The following SLCO1C1 variants were observed in gnomAD, a reference collection of about 807,000 sequenced individuals.
SLCO1C1 encodes the protein OAT-RP-5.
In SLCO1C1, 70 loss-of-function variants were observed where a neutral mutation model predicts 76.4. That is an observed-to-expected ratio of 0.92 (90% confidence interval 0.76 to 1.12). The LOEUF is 1.12. Ranked by LOEUF, SLCO1C1 falls within the 50% of genes most tolerant of loss-of-function variation. SLCO1C1 has a pLI of 0.00. For missense variants in SLCO1C1, 912 were observed against 823.8 expected (o/e 1.11, Z -1.31); for synonymous variants, 306 against 286.1 (o/e 1.07, Z -0.70).
intron 3 of SLCO1C1, among the ~76,000 whole-genome samples, chr12:20,704,242 G>T (rs1183385467): frequency 1.3e-5 from 2 of 150,404 alleles, no homozygotes; most frequent in East Asian, 3.9e-4. Flanking sequence ...ATGGTATATA[G>T]ATATATATAT....
At chr12:20,719,100 C>CTAT (rs71039975) in intron 7 of SLCO1C1, among the ~76,000 whole-genome samples, 9,252 of 145,604 alleles carry the variant, frequency 0.064, 399 homozygotes, top group African/African-American at 0.13. Flanking sequence ...CAAGCTTTTA[C>CTAT]TATTATTATT....
chr12:20,710,707 A>G (rs1190571046), intron 4 of SLCO1C1, among the ~76,000 whole-genome samples: 1 of 152,158 alleles, frequency 6.6e-6, no homozygotes, highest in African/African-American at 2.4e-5. Context: ...ATGGTACAAA[A>G]TCCATATGTC....
chr12:20,736,338 G>GC (rs1320776139), intron 10 of SLCO1C1, among the ~76,000 whole-genome samples: 2 of 150,848 alleles, frequency 1.3e-5, no homozygotes, highest in African/African-American at 2.4e-5. Flanking sequence ...ACCAATTTTG[G>GC]GGGGGGGTGC....
intron 12 of SLCO1C1, among the ~76,000 whole-genome samples, chr12:20,741,188 A>G (rs1322979373): frequency 6.6e-6 from 1 of 152,048 alleles, no homozygotes; most frequent in African/African-American, 2.4e-5. Context: ...CCATGAGCCA[A>G]TCACCTCCCA....
intron 13 of SLCO1C1, among the ~76,000 whole-genome samples, chr12:20,747,389 A>G (rs1046016023): frequency 6.6e-5 from 10 of 152,192 alleles, no homozygotes; most frequent in African/African-American, 2.4e-4. Flanking sequence ...AGATTGTGCC[A>G]CTGCACTCCA....
chr12:20,732,997 A>G lies in SLCO1C1; in HGVS notation c.1275A>G (p.Ala425=), dbSNP rs16923154. ...KKFRISVCGA[A]KLYLGSSVFG... is the part of the protein sequence containing the mutation. ...TCAGAATCAGTGTGTGTGGAGCTGC[A>G]AAACTCTACTTGGGATCATCTGTCT... The change falls in exon 10 of 15, where the codon GCA becomes GCG. Residue 425 remains alanine, a synonymous_variant. Coordinates refer to ENST00000266509, the MANE Select transcript of SLCO1C1 (RefSeq NM_017435.5). The G allele has an allele frequency of 0.081, 130,329 of 1,613,766 alleles. 5,842 individuals carry two copies. The highest frequency in any genetic ancestry group is 0.17 in the East Asian group (7,608 of 44,826).
intron 5 of SLCO1C1, among the ~76,000 whole-genome samples, chr12:20,712,485 C>A (rs1030128074): frequency 1.3e-5 from 2 of 152,122 alleles, no homozygotes; most frequent in Admixed American, 6.5e-5. Flanking sequence ...GCAGTACAGG[C>A]AGGGAGAGCA....
intron 9 of SLCO1C1, among the ~76,000 whole-genome samples, chr12:20,728,541 A>G (rs917522112): frequency 6.6e-6 from 1 of 151,528 alleles, no homozygotes; most frequent in Middle Eastern, 3.2e-3. Context: ...GAGGTGTTAC[A>G]CAGACAAGTA....
chr12:20,696,064 C>G (rs1304708486), intron 1 of SLCO1C1, among the ~76,000 whole-genome samples: 1 of 151,890 alleles, frequency 6.6e-6, no homozygotes, highest in Non-Finnish European at 1.5e-5. Flanking sequence ...TTGCTTTGGG[C>G]CATCTAATTT....
intron 1 of SLCO1C1, chr12:20,696,756 TGAA>T (rs1178802280): frequency 6.6e-6 from 1 of 152,038 alleles, no homozygotes; most frequent in African/African-American, 2.4e-5. Flanking sequence ...CAGTTGCAAA[TGAA>T]GAGAGAGAGC....
At chr12:20,700,713 C>T (rs1049948177) in intron 2 of SLCO1C1, among the ~76,000 whole-genome samples, 1 of 151,856 alleles carries the variant, frequency 6.6e-6, no homozygotes, top group African/African-American at 2.4e-5. Context: ...AAATGCTAAC[C>T]TTCCCTATGA....
rs1947091198 is a variant in SLCO1C1 at position 20,711,389 on chromosome 12, C to T, written c.408C>T (p.Tyr136=). The T allele has an allele frequency of 6.2e-7, 1 of 1,611,548 alleles. No individual in the cohort carries two copies. Among genetic ancestry groups the T allele is most frequent in the Non-Finnish European group, 8.5e-7 (1 of 1,179,048 alleles). ...AGAAAACATTCCTCTTATGCAGGTA[C>T]AAATATGAGAGATATTCTCCTTCCT... The part of the protein sequence containing the change: ...IAMPQFFMEQ[Y]KYERYSPSSN... The change falls in exon 5 of 15, where the codon TAC becomes TAT. Residue 136 remains tyrosine (Y), a synonymous_variant. Transcript: ENST00000266509.
At chr12:20,745,111 G>T (rs1221105887) in intron 13 of SLCO1C1, among the ~76,000 whole-genome samples, 1 of 152,082 alleles carries the variant, frequency 6.6e-6, no homozygotes, top group African/African-American at 2.4e-5. Context: ...AACAATGGAA[G>T]CATCAACTAA....
Position 20,701,967 on chromosome 12 carries a change from G to A in SLCO1C1, c.271+508G>A, listed in dbSNP as rs749981037. ...TTCTATTACCAAGAACACAAGATCA[G>A]AGCAGGCAATAAAAATTCAAATCTC... On this transcript the variant is annotated intron_variant, in intron 3 of 14. Transcript: ENST00000266509. Among the ~76,000 whole-genome samples the A allele has an allele frequency of 2.0e-5, 3 of 151,890 alleles. No homozygotes were observed. In the East Asian group the frequency reaches 5.8e-4, roughly 29 times the overall value.
At chr12:20,746,250 G>A (rs867805752) in intron 13 of SLCO1C1, among the ~76,000 whole-genome samples, 1 of 152,030 alleles carries the variant, frequency 6.6e-6, no homozygotes, top group Non-Finnish European at 1.5e-5. Flanking sequence ...GCAGTTTATT[G>A]AAATACATAG....
chr12:20,711,505 G>C lies in SLCO1C1; in HGVS notation c.524G>C (p.Ser175Thr). 6.2e-7 allele frequency: 1 copy of C among 1,613,042 alleles called. No individual in the cohort carries two copies. The highest frequency in any genetic ancestry group is 8.5e-7 in the Non-Finnish European group (1 of 1,179,556). The change falls in exon 5 of 15, where the codon AGT (serine) becomes ACT (threonine). Residue 175 changes from serine to threonine, a missense_variant. Ser to Thr is a moderately conservative substitution (Grantham distance 58). Coordinates refer to ENST00000266509, the MANE Select transcript of SLCO1C1 (RefSeq NM_017435.5). ...SVMEKSKSKI[S>T]NECEVDTSSS... is the part of the protein sequence containing the mutation. ...ATGGAAAAATCAAAATCCAAAATAAGTAACGGTAAGATCATTTTTTTGACT... is the reference window on the plus strand; with the variant it reads ...ATGGAAAAATCAAAATCCAAAATAACTAACGGTAAGATCATTTTTTTGACT...
At chr12:20,714,718 A>G (rs930694502) in intron 5 of SLCO1C1, among the ~76,000 whole-genome samples, 3 of 152,324 alleles carry the variant, frequency 2.0e-5, no homozygotes, top group African/African-American at 7.2e-5. Flanking sequence ...TCTGCTGAAA[A>G]ATAGAACTAA....
chr12:20,741,201 A>C (rs1948803473), intron 12 of SLCO1C1, among the ~76,000 whole-genome samples: 1 of 152,098 alleles, frequency 6.6e-6, no homozygotes, highest in Non-Finnish European at 1.5e-5. Context: ...ACCTCCCAAG[A>C]GGTCCCTCTC....
rs1565541668 is a variant in SLCO1C1, at chr12:20,740,787, T to TATATATATATATATA, written c.1733+419_1733+420insATATATATATATATA. ...ACAACAATGTTAGAATTTATTTTAT[T>TATATATATATATATA]TATATATATATATATATATATATAT... is the stretch of plus-strand genomic sequence containing the variant. On this transcript the variant is annotated intron_variant, in intron 12 of 14. Coordinates refer to ENST00000266509, the MANE Select transcript of SLCO1C1 (RefSeq NM_017435.5). Among the ~76,000 whole-genome samples the TATATATATATATATA allele has an allele frequency of 6.3e-3, 472 of 74,994 alleles. 35 individuals carry two copies. The highest frequency in any genetic ancestry group is 0.013 in the Middle Eastern group (1 of 76). 49.2% of individuals were successfully genotyped at this position (74,994 alleles called of 152,430 possible).
Sources: gnomAD v4.1 joint callset for allele counts (sites outside exome capture counted in the v4.1 genomes callset) on GRCh38, gnomAD v4.1.1 for gene constraint, MANE v1.5 for transcripts, NCBI Gene and HGNC (gene_info 2026-07-23, HGNC 2026-07-21) for gene names.